Variants in UBE2F observed in about 807,000 individuals in gnomAD.
UBE2F encodes the protein ubiquitin conjugating enzyme E2 F (putative), also known as NEDD8-conjugating enzyme UBE2F.
In UBE2F, 5 loss-of-function variants were observed where a neutral mutation model predicts 29.6. The observed-to-expected ratio is 0.17, with a 90% CI of 0.09 to 0.36. UBE2F has a LOEUF of 0.36. UBE2F is among the 10% of genes least tolerant of loss of function. UBE2F has a pLI of 1.00. For synonymous variants in UBE2F, 66 were observed against 81.8 expected (o/e 0.81, Z 1.04); for missense variants, 141 against 228.5 (o/e 0.62, Z 2.47).
intron 2 of UBE2F, among the ~76,000 whole-genome samples, chr2:237,981,268 G>A (rs1053423157): frequency 6.6e-6 from 1 of 152,190 alleles, no homozygotes; most frequent in Non-Finnish European, 1.5e-5. Flanking sequence ...TGACTCTAAG[G>A]TGATAACTGT....
intron 2 of UBE2F, chr2:237,973,736 C>T (rs2063218420): frequency 4.7e-6 from 6 of 1,271,108 alleles, no homozygotes; most frequent in Non-Finnish European, 5.1e-6. Flanking sequence ...GTGACTTCTG[C>T]TATCCATGTT....
At chr2:237,994,062 C>T (rs2063641003) in intron 3 of UBE2F, among the ~76,000 whole-genome samples, 1 of 150,858 alleles carries the variant, frequency 6.6e-6, no homozygotes, top group Non-Finnish European at 1.5e-5. Context: ...TAAACTCTGG[C>T]TGGGTGGGAG....
rs368613312 is a variant in UBE2F at position 238,041,122 on chromosome 2, G to A, written c.508-166G>A. 5.3e-4 allele frequency among the ~76,000 whole-genome samples: 80 copies of A among 152,216 alleles called. 1 individual carries two copies. Among genetic ancestry groups the A allele is most frequent in the African/African-American group, 1.8e-3 (76 of 41,540 alleles). ...CTTGCGTGCAGTAGGCACCCAGGTC[G>A]TGGCGAAATGGCACTCAGACTCCGC... is the stretch of plus-strand genomic sequence containing the variant. On this transcript the variant is annotated intron_variant, in intron 9 of 9. Transcript: ENST00000272930.
intron 4 of UBE2F, among the ~76,000 whole-genome samples, chr2:237,999,105 CAG>C (rs1282745429): frequency 6.6e-6 from 1 of 151,260 alleles, no homozygotes; most frequent in Non-Finnish European, 1.5e-5. Flanking sequence ...TTTTTTGAGA[CAG>C]AGTCTCGCTC....
intron 8 of UBE2F, among the ~76,000 whole-genome samples, chr2:238,032,904 G>T (rs1469227662): frequency 6.6e-6 from 1 of 152,238 alleles, no homozygotes; most frequent in Non-Finnish European, 1.5e-5. Flanking sequence ...CATGTGGGGA[G>T]GTTGTCTGGG....
intron 5 of UBE2F, among the ~76,000 whole-genome samples, chr2:238,018,816 G>A (rs2064223933): frequency 6.6e-6 from 1 of 152,154 alleles, no homozygotes. Flanking sequence ...TAATGTCCAG[G>A]GCTGCCCAGC....
intron 9 of UBE2F, among the ~76,000 whole-genome samples, 167 bp from the exon 10 acceptor site, chr2:238,041,121 C>T (rs568612123): frequency 5.9e-4 from 90 of 152,212 alleles, no homozygotes; most frequent in Non-Finnish European, 1.1e-3. Flanking sequence ...GCACCCAGGT[C>T]GTGGCGAAAT....
chr2:237,977,206 A>G (rs887514245), intron 2 of UBE2F, among the ~76,000 whole-genome samples: 6 of 150,296 alleles, frequency 4.0e-5, no homozygotes, highest in Admixed American at 1.3e-4. Context: ...TGTGCAACCC[A>G]TCAAGAACAA....
At chr2:238,016,688 G>T in intron 5 of UBE2F, 55 bp downstream of exon 5, 4 of 1,495,454 alleles carry the variant, frequency 2.7e-6, no homozygotes, top group Middle Eastern at 1.8e-4. Context: ...GCTGCCTGTG[G>T]CTGTGGCCCG....
At chr2:238,038,560 A>G (rs915882213) in intron 9 of UBE2F, among the ~76,000 whole-genome samples, 2 of 152,246 alleles carry the variant, frequency 1.3e-5, no homozygotes, top group Non-Finnish European at 2.9e-5. Flanking sequence ...AGTGATGGCA[A>G]TAGGGGTACT....
rs780136740 is a variant in UBE2F, at chr2:237,990,494, C to T, written c.148+2502C>T. 2.9e-5 allele frequency: 12 copies of T among 417,940 alleles called. No homozygotes were observed. The East Asian group carries it at 6.5e-4, about 22-fold the overall frequency. The allele number at this position is 417,940 out of a possible 1,614,324, so 25.9% of individuals were successfully genotyped here. A position where few individuals can be genotyped will look rare whatever the true frequency, so the allele number is the denominator to read the frequency against. ...TGTGGCTCACTGCAGTCTCAACCTC[C>T]TGGGCTCAAGTGATCTTCCCACCTC... On this transcript the variant is annotated intron_variant, in intron 3 of 9. Transcript: ENST00000272930.
intron 4 of UBE2F, among the ~76,000 whole-genome samples, chr2:238,012,210 C>T (rs958996174): frequency 6.6e-6 from 1 of 152,046 alleles, no homozygotes. Flanking sequence ...CATGATTTTT[C>T]CACTGACTGT....
chr2:238,012,892 C>T (rs2064070133), intron 4 of UBE2F, among the ~76,000 whole-genome samples: 1 of 152,162 alleles, frequency 6.6e-6, no homozygotes. Context: ...TTTCATCATC[C>T]CTGCCATCAG....
chr2:237,993,359 A>C (rs1243396875), intron 3 of UBE2F, among the ~76,000 whole-genome samples: 1 of 152,082 alleles, frequency 6.6e-6, no homozygotes, highest in African/African-American at 2.4e-5. Flanking sequence ...CAGAGTAGAA[A>C]TTTGACCTGG....
At chr2:238,012,510 A>T (rs2064059102) in intron 4 of UBE2F, among the ~76,000 whole-genome samples, 1 of 152,250 alleles carries the variant, frequency 6.6e-6, no homozygotes, top group Non-Finnish European at 1.5e-5. Context: ...GCTAATATGT[A>T]TACCAATGTA....
chr2:238,017,991 T>C (rs1469855574), intron 5 of UBE2F, among the ~76,000 whole-genome samples: 2 of 152,192 alleles, frequency 1.3e-5, no homozygotes, highest in African/African-American at 4.8e-5. Context: ...CCATTTAAGG[T>C]TCTTTTTGAA....
chr2:238,009,712 G>A (rs796212402), intron 4 of UBE2F, among the ~76,000 whole-genome samples: 7 of 152,054 alleles, frequency 4.6e-5, no homozygotes, highest in African/African-American at 1.7e-4. Flanking sequence ...TCCTGCCTCC[G>A]CTCACACTCA....
At chr2:238,008,253 C>T (rs2106372456) in intron 4 of UBE2F, among the ~76,000 whole-genome samples, 1 of 152,300 alleles carries the variant, frequency 6.6e-6, no homozygotes, top group Non-Finnish European at 1.5e-5. Flanking sequence ...GCCACTGTGC[C>T]TGGCCTATTA....
rs1320293224 is a variant in UBE2F, at chr2:238,030,607, A to C, written c.405A>C (p.Thr135=). Residue 135 remains threonine (T), a synonymous_variant, in exon 7 of 10, where the codon ACA becomes ACC. Transcript: ENST00000272930. ...GCACTGGCTGGGCTCCCACAAGAAC[A>C]TTAAAGGTAGAGTCTGTGCCTTGAT... ...IDGTGWAPTR[T]LKDVVWGLNS... is the part of the protein sequence containing the mutation. The C allele has an allele frequency of 6.2e-7, 1 of 1,613,122 alleles. No individual in the cohort carries two copies. The highest frequency in any genetic ancestry group is 1.1e-5 in the South Asian group (1 of 90,974).
Sources: gnomAD v4.1 joint callset for allele counts (sites outside exome capture counted in the v4.1 genomes callset) on GRCh38, gnomAD v4.1.1 for gene constraint, MANE v1.5 for transcripts, NCBI Gene and HGNC (gene_info 2026-07-23, HGNC 2026-07-21) for gene names.